The following NRG4 variants were observed in gnomAD, a reference collection of about 807,000 sequenced individuals.
NRG4 encodes neuregulin 4.
Under a neutral mutation model 15.0 loss-of-function variants are expected in NRG4, and 10 were observed. The observed-to-expected ratio is 0.67, with a 90% CI of 0.41 to 1.13. The LOEUF (loss-of-function observed/expected upper bound fraction) is 1.13, where lower values mean the gene tolerates loss of function less well. Among genes scored for constraint, NRG4 ranks in the 50% most tolerant of loss-of-function variants. The pLI is 0.00. For synonymous variants in NRG4, 41 were observed against 50.1 expected, an observed-to-expected ratio of 0.82 and a Z score of 0.77; for missense variants, 139 against 140.2, an observed-to-expected ratio of 0.99 and a Z score of 0.04.
Position 75,943,436 on chromosome 15 carries a change from A to G in NRG4, c.*202T>C. On this transcript the variant is annotated 3_prime_UTR_variant, in exon 6 of 6. Transcript: ENST00000394907. ...TCGAATTATACTGGTATCACCCCCT[A>G]CTTAGCAGTTGCCGATGGACTGATG... The G allele has an allele frequency of 1.8e-6, 1 of 557,128 alleles. No individual in the cohort carries two copies. The highest frequency in any genetic ancestry group is 3.2e-6 in the Non-Finnish European group (1 of 316,052). 34.5% of individuals were successfully genotyped at this position (557,128 alleles called of 1,614,324 possible). A position where few individuals can be genotyped will look rare whatever the true frequency, so the allele number is the denominator to read the frequency against.
chr15:76,037,348 C>T (rs1182149931), intron 4 of NRG4, among the ~76,000 whole-genome samples: 1 of 152,146 alleles, frequency 6.6e-6, no homozygotes, highest in Non-Finnish European at 1.5e-5. Flanking sequence ...CTCCCCTATC[C>T]CATCACAGTA....
At chr15:76,005,331 A>T (rs2034558016) in intron 3 of NRG4, among the ~76,000 whole-genome samples, 1 of 148,378 alleles carries the variant, frequency 6.7e-6, no homozygotes, top group East Asian at 2.1e-4. Flanking sequence ...GCAGTGAACT[A>T]TGATCAAGCC....
At chr15:76,019,059 G>T (rs1239055684) in intron 5 of NRG4, among the ~76,000 whole-genome samples, 7 of 152,020 alleles carry the variant, frequency 4.6e-5, no homozygotes. Context: ...GAGGCAGTCT[G>T]TCTACAGTGG....
Position 76,046,874 on chromosome 15 carries a change from A to G in NRG4, c.-105+5193T>C, listed in dbSNP as rs1244625903. ...TCAACAAATTGAAGAGACAGCCCAC[A>G]GAATGGAAGACTATGTTTGCAAACT... On this transcript the variant is annotated intron_variant, in intron 4 of 8. Coordinates refer to the NRG4 transcript ENST00000563910. Among the ~76,000 whole-genome samples the G allele has an allele frequency of 1.3e-5, 2 of 150,994 alleles. 1 individual carries two copies. The highest frequency in any genetic ancestry group is 4.9e-5 in the African/African-American group (2 of 40,484).
rs561524510 is a variant in NRG4, at chr15:76,045,690, C to A, written c.-105+6377G>T. Among the ~76,000 whole-genome samples the A allele has an allele frequency of 2.2e-3, 338 of 150,926 alleles. 18 individuals are homozygous for A. The highest frequency in any genetic ancestry group is 8.0e-3 in the African/African-American group (324 of 40,502). On this transcript the variant is annotated intron_variant, in intron 4 of 8. Transcript: ENST00000563910. ...AAGCCAGGCACAGAAAAACAAACTT[C>A]GCATCTTCTCACTTATTTGTGGGAG...
intron 3 of NRG4, among the ~76,000 whole-genome samples, chr15:76,007,640 A>T (rs1373636030): frequency 6.6e-6 from 1 of 152,154 alleles, no homozygotes; most frequent in Non-Finnish European, 1.5e-5. Flanking sequence ...CGTGTTAGCC[A>T]GGGTGGTCTC....
intron 3 of NRG4, among the ~76,000 whole-genome samples, chr15:76,003,706 G>T (rs947869696): frequency 5.3e-5 from 8 of 152,106 alleles, no homozygotes; most frequent in Admixed American, 5.2e-4. Flanking sequence ...TCCTCACAGA[G>T]AAGGGATCCT....
chr15:75,995,613 A>T (rs1407599033), intron 3 of NRG4, among the ~76,000 whole-genome samples: 1 of 152,186 alleles, frequency 6.6e-6, no homozygotes, highest in Non-Finnish European at 1.5e-5. Flanking sequence ...TAGGTTGTGT[A>T]TTAAGTACAA....
chr15:75,992,729 T>C (rs2141874540), intron 3 of NRG4, among the ~76,000 whole-genome samples: 1 of 152,304 alleles, frequency 6.6e-6, no homozygotes, highest in African/African-American at 2.4e-5. Flanking sequence ...TGTAAATATG[T>C]GTAATACATT....
chr15:76,007,924 T>C (rs59690620), intron 3 of NRG4, among the ~76,000 whole-genome samples: 1 of 152,136 alleles, frequency 6.6e-6, no homozygotes, highest in African/African-American at 2.4e-5. Flanking sequence ...TCCCCTTTTT[T>C]AAAAAATTAT....
chr15:76,009,213 T>C lies in NRG4; in HGVS notation c.91A>G (p.Ser31Gly). 1 of 1,565,704 alleles carries C rather than the reference T, an allele frequency of 6.4e-7. No individual in the cohort carries two copies. The highest frequency in any genetic ancestry group is 8.8e-7 in the Non-Finnish European group (1 of 1,136,010). ...GLCYVIPTIP[S>G]PFCRCVENYT... ...CATTTCACTCACCTACAAAATGGGC[T>C]GGGAATAGTAGGTATCACATAACAA... is the stretch of plus-strand genomic sequence containing the variant. Residue 31 changes from serine to glycine, a missense_variant, in exon 3 of 6, where the codon AGC becomes GGC. Ser to Gly is a moderately conservative substitution (Grantham distance 56, BLOSUM62 0). Transcript: ENST00000394907.
chr15:76,022,621 C>T (rs1473920762), intron 5 of NRG4, among the ~76,000 whole-genome samples: 1 of 152,006 alleles, frequency 6.6e-6, no homozygotes, highest in African/African-American at 2.4e-5. Context: ...GGATCACAAG[C>T]CAGGAAATGT....
intron 3 of NRG4, among the ~76,000 whole-genome samples, chr15:75,983,648 A>AAT (rs2033687735): frequency 6.6e-6 from 1 of 152,170 alleles, no homozygotes; most frequent in Non-Finnish European, 1.5e-5. Flanking sequence ...AACATAACTC[A>AAT]ATAAGATAGC....
chr15:76,034,462 GGTA>G (rs2035553217), intron 5 of NRG4, among the ~76,000 whole-genome samples: 1 of 152,102 alleles, frequency 6.6e-6, no homozygotes, highest in African/African-American at 2.4e-5. Context: ...CGACATCTAA[GGTA>G]GTTTCTAAAC....
At position 75,941,641 on chromosome 15, in the gene NRG4, TTAAG is replaced by T. The variant is rs1156698942; in HGVS notation, c.*1993_*1996del. ...ACATCATGGATGAACCTTTCAGACA[TTAAG>T]TAAATCACAAAAGGACAATACTATA... On this transcript the variant is annotated 3_prime_UTR_variant, in exon 6 of 6. Coordinates refer to ENST00000394907, the MANE Select transcript of NRG4 (RefSeq NM_138573.4). 6.6e-6 allele frequency: 1 copy of T among 152,152 alleles called. No homozygotes were observed. The highest frequency in any genetic ancestry group is 6.5e-5 in the Admixed American group (1 of 15,284). 9.4% of individuals were successfully genotyped at this position (152,152 alleles called of 1,614,324 possible). A position where few individuals can be genotyped will look rare whatever the true frequency, so the allele number is the denominator to read the frequency against.
intron 5 of NRG4, among the ~76,000 whole-genome samples, chr15:76,027,605 A>T (rs1460060319): frequency 1.3e-5 from 2 of 152,154 alleles, no homozygotes; most frequent in African/African-American, 2.4e-5. Context: ...ATAGTTGGGG[A>T]CATCAACACC....
Position 75,955,943 on chromosome 15 carries a change from C to A in NRG4, c.320G>T (p.Ser107Ile). The change falls in exon 5 of 6, where the codon AGT (serine) becomes ATT (isoleucine). Residue 107 changes from serine to isoleucine, a missense_variant. By Grantham distance (142) the Ser-to-Ile change is moderately radical. Transcript: ENST00000394907. ...TTGAGTTTACTCACTGTGGTGGGCA[C>A]TGGTACTGCTCGTCTCTACCAGGTT... ...DINLVETSST[S>I]AHHSHEQH 2 of 1,601,570 alleles carry A rather than the reference C, an allele frequency of 1.2e-6. No individual in the cohort carries two copies. The highest frequency in any genetic ancestry group is 2.2e-5 in the South Asian group (2 of 90,796).
At chr15:75,955,867 C>A in intron 5 of NRG4, 65 bp downstream of exon 5, 1 of 937,382 alleles carries the variant, frequency 1.1e-6, no homozygotes, top group Admixed American at 1.9e-5. Context: ...ATACAAATCC[C>A]TACATCTAAC....
At chr15:75,937,476 T>G (rs1000629539), downstream of NRG4, 15 of 121,874 alleles carry the variant, frequency 1.2e-4, no homozygotes, top group African/African-American at 4.7e-4. Context: ...GCCACTGCAC[T>G]CCAGCCTGGG....
Sources: allele counts gnomAD v4.1 joint callset (sites outside exome capture counted in the v4.1 genomes callset), GRCh38; gene constraint gnomAD v4.1.1; transcripts MANE v1.5; gene names NCBI Gene and HGNC (gene_info 2026-07-23, HGNC 2026-07-21).